GPR158: variants seen among roughly 807,000 people sequenced by gnomAD.
GPR158 encodes G protein-coupled receptor 158.
Under a neutral mutation model 78.2 loss-of-function variants are expected in GPR158, and 30 were observed. The observed-to-expected ratio is 0.38, with a 90% confidence interval of 0.29 to 0.52. The LOEUF (loss-of-function observed/expected upper bound fraction) is 0.52. Ranked by LOEUF, GPR158 falls within the 20% of genes least tolerant of loss-of-function variation. The pLI is 0.83. For synonymous variants in GPR158, 581 were observed against 591.1 expected (o/e 0.98, Z 0.25); for missense variants, 1,463 against 1,523.5 (o/e 0.96, Z 0.66).
chr10:25,472,755 T>C (rs1434167508), intron 5 of GPR158, among the ~76,000 whole-genome samples: 2 of 152,210 alleles, frequency 1.3e-5, no homozygotes, highest in Non-Finnish European at 2.9e-5. Flanking sequence ...ATGATTTGGC[T>C]GTTTGTTATT....
chr10:25,199,391 A>G (rs1447415490), intron 1 of GPR158, among the ~76,000 whole-genome samples: 1 of 152,118 alleles, frequency 6.6e-6, no homozygotes, highest in Non-Finnish European at 1.5e-5. Flanking sequence ...AGTTCTACTT[A>G]TAAGTGAGAA....
intron 2 of GPR158, among the ~76,000 whole-genome samples, chr10:25,358,837 A>G (rs780647580): frequency 6.6e-6 from 1 of 152,114 alleles, no homozygotes; most frequent in African/African-American, 2.4e-5. Context: ...TACTTACATA[A>G]CTTTAATTCT....
intron 2 of GPR158, chr10:25,393,484 G>A (rs76149645): frequency 6.6e-6 from 1 of 152,262 alleles, no homozygotes; most frequent in African/African-American, 2.4e-5. Context: ...GTAGTGTCGC[G>A]ACGTCGTAAC....
At chr10:25,512,836 T>C (rs539028433) in intron 5 of GPR158, among the ~76,000 whole-genome samples, 1 of 152,312 alleles carries the variant, frequency 6.6e-6, no homozygotes, top group South Asian at 2.1e-4. Context: ...ATCACATTTA[T>C]TGACTTGTGG....
chr10:25,508,998 A>T (rs1836049105), intron 5 of GPR158, among the ~76,000 whole-genome samples: 1 of 152,160 alleles, frequency 6.6e-6, no homozygotes, highest in South Asian at 2.1e-4. Flanking sequence ...CTATGTGCTC[A>T]AAGCTATTGG....
At position 25,175,540 on chromosome 10, in the gene GPR158, G is replaced by A. The variant is rs777237072; in HGVS notation, c.120G>A (p.Pro40=). ...CGGATTCCCCTCGAGAGAGGACCCC[G>A]AAGGGGAAGCCGCACGCCCAGCAGC... ...GRPDSPRERT[P]KGKPHAQQPG... The change falls in exon 1 of 11, where the codon CCG becomes CCA. Residue 40 remains proline, a synonymous_variant. Transcript: ENST00000376351. This position sits in a 1 kb window ranked among gnomAD's most constrained non-coding sequence, Gnocchi z 6.4. 2.5e-6 allele frequency: 4 copies of A among 1,611,790 alleles called. No individual in the cohort carries two copies. The highest frequency in any genetic ancestry group is 3.4e-6 in the Non-Finnish European group (4 of 1,179,842).
chr10:25,349,596 C>T (rs1855425013), intron 2 of GPR158, among the ~76,000 whole-genome samples: 1 of 146,566 alleles, frequency 6.8e-6, no homozygotes, highest in Non-Finnish European at 1.5e-5. Context: ...TCCATCATGG[C>T]AAGACATGTT....
chr10:25,590,823 A>G (rs1837331786), intron 8 of GPR158, among the ~76,000 whole-genome samples: 1 of 152,148 alleles, frequency 6.6e-6, no homozygotes, highest in South Asian at 2.1e-4. Context: ...TTTTTTTAGA[A>G]AAAAATTAAT....
intron 2 of GPR158, among the ~76,000 whole-genome samples, chr10:25,306,680 C>G (rs1163199852): frequency 6.6e-6 from 1 of 152,162 alleles, no homozygotes; most frequent in Admixed American, 6.5e-5. Flanking sequence ...TAGAGCTTCT[C>G]CTGAACTACC....
chr10:25,259,114 G>T (rs963562986), intron 2 of GPR158, among the ~76,000 whole-genome samples: 2 of 152,218 alleles, frequency 1.3e-5, no homozygotes, highest in South Asian at 2.1e-4. Flanking sequence ...AGGAGGGGTT[G>T]GCCTTGTCTC....
intron 2 of GPR158, among the ~76,000 whole-genome samples, chr10:25,324,059 C>T (rs1854993893): frequency 6.6e-6 from 1 of 152,198 alleles, no homozygotes; most frequent in Non-Finnish European, 1.5e-5. Flanking sequence ...TCTGGATTTT[C>T]TATTTAGACC....
At position 25,563,888 on chromosome 10, in the gene GPR158, G is replaced by A. The variant is rs557167151; in HGVS notation, c.1515-8761G>A. 1.0e-3 allele frequency among the ~76,000 whole-genome samples: 155 copies of A among 151,884 alleles called. 1 individual carries two copies. The highest frequency in any genetic ancestry group is 6.8e-3 in the Middle Eastern group (2 of 292). The stretch of plus-strand genomic sequence containing the variant: ...TAATGTCTGGATGTCTTCAGGTATC[G>A]TTTCTATTAGTGTCTTTTCTTTTTT... On this transcript the variant is annotated intron_variant, in intron 6 of 10. Transcript: ENST00000376351.
chr10:25,187,495 C>T (rs1401094249), intron 1 of GPR158, among the ~76,000 whole-genome samples: 1 of 152,162 alleles, frequency 6.6e-6, no homozygotes, highest in South Asian at 2.1e-4. Flanking sequence ...AATCAATAAA[C>T]GTAATCCAGC....
intron 2 of GPR158, among the ~76,000 whole-genome samples, chr10:25,349,476 G>T (rs1855423126): frequency 6.8e-6 from 1 of 146,890 alleles, no homozygotes; most frequent in African/African-American, 2.7e-5. Flanking sequence ...GGAGGTGGTT[G>T]GATCATGAGG....
chr10:25,513,194 T>A lies in GPR158; in HGVS notation c.1405-37782T>A, dbSNP rs144787251. Among the ~76,000 whole-genome samples the A allele has an allele frequency of 3.6e-3, 547 of 152,178 alleles. 1 individual carries two copies. Among genetic ancestry groups the A allele is most frequent in the African/African-American group, 0.011 (469 of 41,558 alleles). ...TTTTTTTTTTTTGTTGGCAATTTTT[T>A]AATTATAATTTCAGTCTCGCTGTTT... On this transcript the variant is annotated intron_variant, in intron 5 of 10. Transcript: ENST00000376351.
intron 2 of GPR158, among the ~76,000 whole-genome samples, chr10:25,336,659 C>T (rs2130499452): frequency 6.6e-6 from 1 of 152,136 alleles, no homozygotes; most frequent in East Asian, 1.9e-4. Context: ...ATGGAAAAGG[C>T]CTCCTTTTCT....
At chr10:25,233,195 G>T (rs1392119689) in intron 2 of GPR158, among the ~76,000 whole-genome samples, 1 of 152,124 alleles carries the variant, frequency 6.6e-6, no homozygotes, top group African/African-American at 2.4e-5. Flanking sequence ...AAATATGTGG[G>T]TATCCACTTT....
At chr10:25,394,201 C>G (rs1451928769) in intron 2 of GPR158, among the ~76,000 whole-genome samples, 2 of 152,142 alleles carry the variant, frequency 1.3e-5, no homozygotes. Flanking sequence ...ACCCATTAGG[C>G]CATCATGGTG....
At chr10:25,485,283 T>C (rs1835720897) in intron 5 of GPR158, among the ~76,000 whole-genome samples, 2 of 152,034 alleles carry the variant, frequency 1.3e-5, no homozygotes, top group Non-Finnish European at 2.9e-5. Context: ...AAATCATACT[T>C]TAAGTGTCAA....
Sources: allele counts gnomAD v4.1 joint callset (sites outside exome capture counted in the v4.1 genomes callset), GRCh38; gene constraint gnomAD v4.1.1; non-coding constraint Gnocchi (gnomAD v3.1); transcripts MANE v1.5; gene names NCBI Gene and HGNC (gene_info 2026-07-23, HGNC 2026-07-21).